TMPRSS11A: variants seen among roughly 807,000 people sequenced by gnomAD.
The protein encoded by TMPRSS11A is transmembrane protease serine 11A.
A neutral mutation model predicts 58.9 loss-of-function variants in TMPRSS11A; 53 were observed. The observed-to-expected ratio is 0.90, with a 90% CI of 0.72 to 1.13. The LOEUF (loss-of-function observed/expected upper bound fraction) is 1.13, where lower values mean the gene tolerates loss of function less well. Ranked by LOEUF, TMPRSS11A falls within the 50% of genes most tolerant of loss-of-function variation. The probability of loss-of-function intolerance (pLI) is 0.00; values close to 1 mark genes in which losing one functional copy is unlikely to be tolerated. For synonymous variants in TMPRSS11A, 167 were observed against 169.8 expected (o/e 0.98, Z 0.13); for missense variants, 493 against 499.3 (o/e 0.99, Z 0.12).
At chr4:67,925,722 A>G (rs1013836164) in intron 5 of TMPRSS11A, among the ~76,000 whole-genome samples, 2 of 152,246 alleles carry the variant, frequency 1.3e-5, no homozygotes, top group Non-Finnish European at 2.9e-5. Context: ...AGAAAACTAT[A>G]TATTTTGTCC....
At chr4:67,948,390 C>G (rs904906435) in intron 1 of TMPRSS11A, among the ~76,000 whole-genome samples, 1 of 152,064 alleles carries the variant, frequency 6.6e-6, no homozygotes, top group Non-Finnish European at 1.5e-5. Flanking sequence ...CATCTCCTGA[C>G]CTGGTGATCC....
intron 1 of TMPRSS11A, among the ~76,000 whole-genome samples, chr4:67,950,658 GC>G (rs1721132875): frequency 6.6e-6 from 1 of 152,202 alleles, no homozygotes; most frequent in Non-Finnish European, 1.5e-5. Context: ...CTGAAAATAT[GC>G]CTTTCAGGAA....
chr4:67,953,803 A>AG, intron 1 of TMPRSS11A, among the ~76,000 whole-genome samples: 1 of 152,142 alleles, frequency 6.6e-6, no homozygotes, highest in East Asian at 1.9e-4. Context: ...CTCAAAAAAA[A>AG]AAAATAGTAT....
chr4:67,923,796 C>A (rs1224425794), intron 6 of TMPRSS11A, among the ~76,000 whole-genome samples: 1 of 152,184 alleles, frequency 6.6e-6, no homozygotes, highest in Non-Finnish European at 1.5e-5. Flanking sequence ...TTATGTCCTT[C>A]CTATTGATTA....
chr4:67,941,261 C>T (rs1720873730), intron 3 of TMPRSS11A, among the ~76,000 whole-genome samples: 1 of 152,118 alleles, frequency 6.6e-6, no homozygotes, highest in African/African-American at 2.4e-5. Context: ...TGGTTGTATT[C>T]ATTGGGATTT....
intron 4 of TMPRSS11A, among the ~76,000 whole-genome samples, chr4:67,931,530 T>G (rs1720619874): frequency 6.6e-6 from 1 of 152,220 alleles, no homozygotes; most frequent in African/African-American, 2.4e-5. Context: ...AATATCTTTT[T>G]GTTTAGGCAT....
At chr4:67,915,398 C>T (rs1168294930) in intron 8 of TMPRSS11A, among the ~76,000 whole-genome samples, 1 of 152,096 alleles carries the variant, frequency 6.6e-6, no homozygotes, top group African/African-American at 2.4e-5. Context: ...GAAACCATGA[C>T]CCCATGGTTG....
intron 1 of TMPRSS11A, among the ~76,000 whole-genome samples, chr4:67,948,705 T>C (rs568293275): frequency 7.2e-5 from 11 of 152,282 alleles, no homozygotes; most frequent in African/African-American, 2.4e-4. Context: ...CATGCTTGAA[T>C]AGAACAACAA....
At chr4:67,963,324 T>G in intron 1 of TMPRSS11A, 59 bp downstream of exon 1, 3 of 1,591,688 alleles carry the variant, frequency 1.9e-6, no homozygotes, top group South Asian at 2.2e-5. Context: ...ACATCAGGAA[T>G]CCGGCCACTG....
At chr4:67,919,728 G>A (rs1720267580) in intron 7 of TMPRSS11A, among the ~76,000 whole-genome samples, 1 of 152,184 alleles carries the variant, frequency 6.6e-6, no homozygotes, top group Non-Finnish European at 1.5e-5. Flanking sequence ...TGATTATTTT[G>A]ATAACGCATT....
intron 2 of TMPRSS11A, among the ~76,000 whole-genome samples, chr4:67,946,048 G>C (rs1167346433): frequency 6.6e-6 from 1 of 152,086 alleles, no homozygotes; most frequent in Non-Finnish European, 1.5e-5. Context: ...GATGGTTCAT[G>C]AGTAAAAGAG....
At chr4:67,958,734 G>C (rs1468506838) in intron 1 of TMPRSS11A, among the ~76,000 whole-genome samples, 2 of 152,078 alleles carry the variant, frequency 1.3e-5, no homozygotes, top group Non-Finnish European at 2.9e-5. Flanking sequence ...CATGAGATTT[G>C]GGTGGGGCCA....
Position 67,929,868 on chromosome 4 carries a change from G to A in TMPRSS11A, c.481+12C>T, listed in dbSNP as rs1412052592. On this transcript the variant is annotated intron_variant, in intron 5 of 9. Coordinates refer to ENST00000508048, the MANE Select transcript of TMPRSS11A (RefSeq NM_001114387.2). The stretch of plus-strand genomic sequence containing the variant: ...AGACAACTTCATATCACATAGAAGG[G>A]GACCTCCTTACCATTAACTTGAACT... 1.3e-6 allele frequency: 2 copies of A among 1,598,830 alleles called. No homozygotes were observed. Among genetic ancestry groups the A allele is most frequent in the South Asian group, 1.1e-5 (1 of 88,738 alleles).
At chr4:67,932,627 G>C (rs1720657413) in intron 3 of TMPRSS11A, among the ~76,000 whole-genome samples, 1 of 152,114 alleles carries the variant, frequency 6.6e-6, no homozygotes, top group African/African-American at 2.4e-5. Context: ...GGTAAGTTTT[G>C]GTAGTTAATT....
intron 9 of TMPRSS11A, among the ~76,000 whole-genome samples, chr4:67,912,293 C>T (rs1293594437): frequency 6.6e-6 from 1 of 152,114 alleles, no homozygotes; most frequent in South Asian, 2.1e-4. Flanking sequence ...CACACACACA[C>T]ACACACACAC....
intron 7 of TMPRSS11A, among the ~76,000 whole-genome samples, chr4:67,921,392 G>C (rs909374536): frequency 6.6e-6 from 1 of 152,068 alleles, no homozygotes; most frequent in Non-Finnish European, 1.5e-5. Flanking sequence ...GGAGTGCAGT[G>C]GTGCAATCAT....
At chr4:67,943,315 C>A (rs145059289) in intron 3 of TMPRSS11A, among the ~76,000 whole-genome samples, 1 of 152,192 alleles carries the variant, frequency 6.6e-6, no homozygotes, top group Non-Finnish European at 1.5e-5. Context: ...TAACTTACAA[C>A]AACAACAGTA....
intron 3 of TMPRSS11A, among the ~76,000 whole-genome samples, chr4:67,940,498 T>G (rs969067996): frequency 6.6e-6 from 1 of 152,260 alleles, no homozygotes. Flanking sequence ...AATTTACCCA[T>G]TTCCTCTAGA....
chr4:67,946,328 T>C (rs1440466449), intron 2 of TMPRSS11A, 122 bp downstream of exon 2: 2 of 957,518 alleles, frequency 2.1e-6, no homozygotes, highest in East Asian at 2.9e-5. Flanking sequence ...CAGTTAAATA[T>C]ACTCTGTGGA....
Sources: allele counts gnomAD v4.1 joint callset (sites outside exome capture counted in the v4.1 genomes callset), GRCh38; gene constraint gnomAD v4.1.1; transcripts MANE v1.5; gene names NCBI Gene and HGNC (gene_info 2026-07-23, HGNC 2026-07-21).